Variants in ERI1 observed in about 807,000 individuals in gnomAD.
The protein encoded by ERI1 is 3'-5' exoribonuclease 1.
ERI1 carries 39 observed loss-of-function variants against 39.7 expected under a neutral mutation model. That is an observed-to-expected ratio of 0.98 (90% CI 0.76 to 1.28). The LOEUF (loss-of-function observed/expected upper bound fraction) is 1.28, where lower values mean the gene tolerates loss of function less well. Ranked by LOEUF, ERI1 falls within the 50% of genes most tolerant of loss-of-function variation. The pLI, the probability that ERI1 is intolerant of heterozygous loss-of-function variation, is 0.00. For missense variants in ERI1, 581 were observed against 416.9 expected, an observed-to-expected ratio of 1.39 and a Z score of -3.43; for synonymous variants, 204 against 149.6, an observed-to-expected ratio of 1.36 and a Z score of -2.65.
chr8:9,070,707 C>T (rs1004569218), intron 3 of ERI1, among the ~76,000 whole-genome samples: 2 of 152,178 alleles, frequency 1.3e-5, no homozygotes, highest in African/African-American at 4.8e-5. Context: ...CAAATGCACA[C>T]AGAAAGAGAA....
chr8:9,044,443 C>A (rs897478761), intron 3 of ERI1, among the ~76,000 whole-genome samples: 43 of 152,074 alleles, frequency 2.8e-4, no homozygotes, highest in African/African-American at 1.0e-3. Flanking sequence ...TGCGTCAGTT[C>A]AGTAGGAGAG....
rs998066251 is a variant in ERI1 at position 9,030,242 on chromosome 8, C to T, written c.*208C>T. 5 of 607,534 alleles carry T rather than the reference C, an allele frequency of 8.2e-6. No individual in the cohort carries two copies. The highest frequency in any genetic ancestry group is 2.1e-5 in the South Asian group (1 of 46,514). The allele number at this position is 607,534 out of a possible 1,614,324, so 37.6% of individuals were successfully genotyped here. A position where few individuals can be genotyped will look rare whatever the true frequency, so the allele number is the denominator to read the frequency against. On this transcript the variant is annotated 3_prime_UTR_variant, in exon 7 of 7. Coordinates refer to ENST00000250263, the MANE Select transcript of ERI1 (RefSeq NM_153332.4). Reference sequence around the variant, plus strand: ...TTGTCACCAGCACTTTTGATATGAACAGTATTCGTTACATAGTAACAGTTC... The same window carrying T: ...TTGTCACCAGCACTTTTGATATGAATAGTATTCGTTACATAGTAACAGTTC...
chr8:9,028,072 A>C (rs1377137053), intron 6 of ERI1, among the ~76,000 whole-genome samples: 4 of 152,228 alleles, frequency 2.6e-5, no homozygotes, highest in Non-Finnish European at 2.9e-5. Flanking sequence ...TTTGTATCAA[A>C]GTGATGCTGA....
chr8:9,034,201 A>G (rs1294345536), downstream of ERI1, among the ~76,000 whole-genome samples: 1 of 152,246 alleles, frequency 6.6e-6, no homozygotes, highest in Non-Finnish European at 1.5e-5. Context: ...CGAGGCTTTA[A>G]ACCAGATCTG....
chr8:9,080,825 G>A (rs990803401), intron 3 of ERI1, among the ~76,000 whole-genome samples: 13 of 152,114 alleles, frequency 8.5e-5, no homozygotes, highest in Admixed American at 2.6e-4. Context: ...GGAGGGCAGC[G>A]GTGCAAAGAA....
At chr8:9,004,511 T>TTTTTTTTTA (rs1815753336) in intron 1 of ERI1, among the ~76,000 whole-genome samples, 1 of 75,620 alleles carries the variant, frequency 1.3e-5, no homozygotes, top group Admixed American at 1.4e-4. Flanking sequence ...TTTTTTTTTT[T>TTTTTTTTTA]ACAAAAAGCC....
intron 3 of ERI1, among the ~76,000 whole-genome samples, chr8:9,086,639 A>G (rs937908199): frequency 3.9e-5 from 6 of 152,208 alleles, no homozygotes; most frequent in African/African-American, 1.2e-4. Flanking sequence ...GATGTGTTCA[A>G]TATTATAGCA....
At chr8:9,036,113 G>C (rs752795514), downstream of ERI1, among the ~76,000 whole-genome samples, 28 of 152,198 alleles carry the variant, frequency 1.8e-4, no homozygotes, top group Non-Finnish European at 3.8e-4. Context: ...TATTCCTGGT[G>C]AAGATGCTGT....
At chr8:9,016,713 TCTCA>T (rs1169031227) in intron 4 of ERI1, among the ~76,000 whole-genome samples, 1 of 152,216 alleles carries the variant, frequency 6.6e-6, no homozygotes, top group Admixed American at 6.5e-5. Context: ...TTTGAGACAG[TCTCA>T]CTCTGTCACC....
chr8:9,061,844 A>C (rs1257062137), intron 3 of ERI1, among the ~76,000 whole-genome samples: 2 of 151,104 alleles, frequency 1.3e-5, no homozygotes, highest in African/African-American at 4.9e-5. Flanking sequence ...GCTGAGCCTG[A>C]TGGGTGTCAG....
chr8:9,005,411 C>T (rs758570547), intron 1 of ERI1, among the ~76,000 whole-genome samples: 8 of 151,978 alleles, frequency 5.3e-5, no homozygotes, highest in Non-Finnish European at 8.8e-5. Context: ...AATCAAGCTC[C>T]GGTACCCTTC....
chr8:9,029,840 A>T lies in ERI1; in HGVS notation c.856A>T (p.Met286Leu), dbSNP rs139762574. 6.2e-7 allele frequency: 1 copy of T among 1,614,214 alleles called. No homozygotes were observed. Among genetic ancestry groups the T allele is most frequent in the Admixed American group, 1.7e-5 (1 of 60,032 alleles). Residue 286 changes from methionine to leucine, a missense_variant, in exon 7 of 7, where the codon ATG becomes TTG. Coordinates refer to ENST00000250263, the MANE Select transcript of ERI1 (RefSeq NM_153332.4). ...KLTIMLEKLG[M>L]DYDGRPHCGL... ...GACAATAATGCTTGAAAAATTAGGA[A>T]TGGATTATGATGGGCGGCCTCACTG...
At chr8:9,019,974 T>C (rs1427468965) in intron 5 of ERI1, among the ~76,000 whole-genome samples, 1 of 152,188 alleles carries the variant, frequency 6.6e-6, no homozygotes, top group Non-Finnish European at 1.5e-5. Context: ...CCAGCTGCTT[T>C]TGTTTCTTTC....
At chr8:9,007,311 C>T (rs924036788) in intron 1 of ERI1, among the ~76,000 whole-genome samples, 1 of 152,002 alleles carries the variant, frequency 6.6e-6, no homozygotes, top group African/African-American at 2.4e-5. Context: ...GATTTGCGGT[C>T]CATTTTGTTT....
At chr8:9,019,395 C>G (rs1303397910) in intron 5 of ERI1, among the ~76,000 whole-genome samples, 1 of 152,148 alleles carries the variant, frequency 6.6e-6, no homozygotes, top group Non-Finnish European at 1.5e-5. Context: ...TGTTTATGGA[C>G]CTCTTTAGAA....
chr8:9,028,467 G>A (rs947448907), intron 6 of ERI1, among the ~76,000 whole-genome samples: 1 of 152,110 alleles, frequency 6.6e-6, no homozygotes, highest in Non-Finnish European at 1.5e-5. Context: ...TTTGCTTTGT[G>A]ATTATCCCAG....
intron 1 of ERI1, among the ~76,000 whole-genome samples, chr8:9,006,999 C>G (rs1308969037): frequency 3.3e-5 from 5 of 152,058 alleles, no homozygotes; most frequent in Non-Finnish European, 7.4e-5. Context: ...AGGTAACAAG[C>G]TTTAATAGGG....
At chr8:9,016,181 G>A (rs1325214794) in intron 3 of ERI1, 141 bp from the exon 4 acceptor site, 3 of 438,116 alleles carry the variant, frequency 6.8e-6, no homozygotes, top group African/African-American at 2.0e-5. Flanking sequence ...TTCGATGTGG[G>A]GAATTATTCT....
chr8:9,050,895 A>T (rs1798335734), intron 3 of ERI1, among the ~76,000 whole-genome samples: 2 of 152,140 alleles, frequency 1.3e-5, no homozygotes, highest in Non-Finnish European at 1.5e-5. Flanking sequence ...GACTCAGGGC[A>T]GCACCTTTGG....
Sources: allele counts gnomAD v4.1 joint callset (sites outside exome capture counted in the v4.1 genomes callset), GRCh38; gene constraint gnomAD v4.1.1; transcripts MANE v1.5; gene names NCBI Gene and HGNC (gene_info 2026-07-23, HGNC 2026-07-21).